The following RBFOX1 variants were observed in gnomAD, a reference collection of about 807,000 sequenced individuals.
RBFOX1 encodes the protein RNA binding fox-1 homolog 1.
RBFOX1 carries 8 observed loss-of-function variants against 57.7 expected under a neutral mutation model. The observed-to-expected ratio is 0.14, with a 90% CI of 0.08 to 0.25. The LOEUF is 0.25. RBFOX1 is among the 10% of genes least tolerant of loss of function. RBFOX1 has a pLI of 1.00. For synonymous variants in RBFOX1, 326 were observed against 222.4 expected, an observed-to-expected ratio of 1.47 and a Z score of -4.15; for missense variants, 611 against 548.5, an observed-to-expected ratio of 1.11 and a Z score of -1.14.
At chr16:7,106,981 T>TTAAA (rs67475582) in intron 4 of RBFOX1, among the ~76,000 whole-genome samples, 26 of 138,366 alleles carry the variant, frequency 1.9e-4, no homozygotes, top group South Asian at 6.5e-4. Context: ...GCCACACAGT[T>TTAAA]AAAACACACA....
At chr16:5,289,296 TC>T in intron 1 of RBFOX1, 1 of 423,754 alleles carries the variant, frequency 2.4e-6, no homozygotes. Context: ...GCATGTGGCC[TC>T]CCATGGTCAG....
At chr16:6,545,551 G>A (rs528865693) in intron 2 of RBFOX1, among the ~76,000 whole-genome samples, 15 of 152,230 alleles carry the variant, frequency 9.9e-5, no homozygotes, top group South Asian at 4.2e-4. Flanking sequence ...GTCACATCTC[G>A]GTTTAGACTC....
At chr16:7,263,923 A>G (rs2095029398) in intron 4 of RBFOX1, among the ~76,000 whole-genome samples, 1 of 148,598 alleles carries the variant, frequency 6.7e-6, no homozygotes, top group African/African-American at 2.5e-5. Flanking sequence ...TATAAATTAA[A>G]AAAAAAAAAA....
chr16:7,166,218 A>G (rs2079478067), intron 4 of RBFOX1, among the ~76,000 whole-genome samples: 1 of 151,928 alleles, frequency 6.6e-6, no homozygotes, highest in South Asian at 2.1e-4. Flanking sequence ...TTTGCCATGT[A>G]GGCCAGGCTG....
At chr16:7,584,170 T>G (rs2093969382) in intron 6 of RBFOX1, among the ~76,000 whole-genome samples, 1 of 152,202 alleles carries the variant, frequency 6.6e-6, no homozygotes, top group African/African-American at 2.4e-5. Context: ...TACTTTTACG[T>G]TTTATGCTGT....
intron 5 of RBFOX1, among the ~76,000 whole-genome samples, chr16:7,541,500 A>G (rs2082928632): frequency 6.6e-6 from 1 of 152,062 alleles, no homozygotes; most frequent in Non-Finnish European, 1.5e-5. Flanking sequence ...CTCAGAGTGA[A>G]TTCAGTGTTC....
intron 1 of RBFOX1, among the ~76,000 whole-genome samples, chr16:5,328,579 T>G (rs2064652734): frequency 6.6e-6 from 1 of 152,184 alleles, no homozygotes; most frequent in African/African-American, 2.4e-5. Flanking sequence ...CTGGGTCATT[T>G]GAGTCAATGA....
chr16:5,547,501 G>A (rs2045260349), intron 2 of RBFOX1, among the ~76,000 whole-genome samples: 1 of 152,100 alleles, frequency 6.6e-6, no homozygotes, highest in Non-Finnish European at 1.5e-5. Context: ...AAAGATGCCA[G>A]ATAAAAAAGA....
intron 1 of RBFOX1, among the ~76,000 whole-genome samples, chr16:6,262,213 C>T (rs1459048218): frequency 6.6e-6 from 1 of 152,068 alleles, no homozygotes; most frequent in Non-Finnish European, 1.5e-5. Context: ...GCCATCATAC[C>T]CTCATTCAGA....
intron 1 of RBFOX1, among the ~76,000 whole-genome samples, chr16:5,386,061 A>G (rs1251950017): frequency 2.0e-5 from 3 of 151,812 alleles, no homozygotes; most frequent in East Asian, 1.9e-4. Flanking sequence ...GTTTGCCAAG[A>G]TGGAATAATT....
chr16:5,598,787 G>A (rs1169676300), intron 2 of RBFOX1: 5 of 761,118 alleles, frequency 6.6e-6, no homozygotes, highest in Non-Finnish European at 8.3e-6. Flanking sequence ...AGGGTACTGT[G>A]GCTAAACGTG....
At chr16:7,168,935 G>A (rs1006633694) in intron 4 of RBFOX1, among the ~76,000 whole-genome samples, 2 of 152,136 alleles carry the variant, frequency 1.3e-5, no homozygotes, top group African/African-American at 4.8e-5. Flanking sequence ...TTAAAGGTTT[G>A]TGATGTCCTT....
Position 6,731,182 on chromosome 16 carries a change from A to G in RBFOX1, c.-16+76532A>G, listed in dbSNP as rs1029749151. ...CAGCTAGAATTATCTAAGATGCAAA[A>G]ATACAGGGAAGATACATATCAGATC... On this transcript the variant is annotated intron_variant, in intron 3 of 15. Transcript: ENST00000550418. Among the ~76,000 whole-genome samples, 12 of 152,276 alleles carry G rather than the reference A, an allele frequency of 7.9e-5. No individual in the cohort carries two copies. The South Asian group carries it at 1.5e-3, about 18-fold the overall frequency.
At chr16:6,764,026 A>C (rs1351013322) in intron 3 of RBFOX1, among the ~76,000 whole-genome samples, 1 of 152,182 alleles carries the variant, frequency 6.6e-6, no homozygotes, top group Non-Finnish European at 1.5e-5. Context: ...TGCTGTCTGC[A>C]TGCTGTGAAG....
At chr16:5,794,857 A>G (rs1363907063) in intron 3 of RBFOX1, among the ~76,000 whole-genome samples, 2 of 152,186 alleles carry the variant, frequency 1.3e-5, no homozygotes, top group Admixed American at 6.5e-5. Context: ...AGAGGCTGCA[A>G]TCCTACTATG....
chr16:6,840,294 G>C (rs1352832003), intron 3 of RBFOX1, among the ~76,000 whole-genome samples: 2 of 152,122 alleles, frequency 1.3e-5, no homozygotes, highest in Non-Finnish European at 2.9e-5. Context: ...AAAATGAAAA[G>C]GCAACTTTAG....
At chr16:5,394,231 C>T (rs1396849257) in intron 1 of RBFOX1, among the ~76,000 whole-genome samples, 1 of 152,110 alleles carries the variant, frequency 6.6e-6, no homozygotes, top group South Asian at 2.1e-4. Flanking sequence ...ACCATGTTGG[C>T]CAGGCTGATC....
chr16:5,577,298 G>C (rs150171955), intron 2 of RBFOX1, among the ~76,000 whole-genome samples: 1 of 152,208 alleles, frequency 6.6e-6, no homozygotes, highest in African/African-American at 2.4e-5. Flanking sequence ...GTAACTAGCA[G>C]CATTGTAGTG....
chr16:7,666,858 A>G (rs948836826), intron 13 of RBFOX1, among the ~76,000 whole-genome samples: 1 of 152,166 alleles, frequency 6.6e-6, no homozygotes, highest in Non-Finnish European at 1.5e-5. Flanking sequence ...TCACACATTC[A>G]TCATGTTTGG....
Sources: gnomAD v4.1 joint callset for allele counts (sites outside exome capture counted in the v4.1 genomes callset) on GRCh38, gnomAD v4.1.1 for gene constraint, MANE v1.5 for transcripts, NCBI Gene and HGNC (gene_info 2026-07-23, HGNC 2026-07-21) for gene names.